RTL4: variants seen among roughly 807,000 people sequenced by gnomAD.
RTL4 encodes the protein retrotransposon Gag-like protein 4.
Under a neutral mutation model 5.3 loss-of-function variants are expected in RTL4, and 4 were observed. The ratio of observed to expected loss-of-function variants is 0.75; its 90% confidence interval spans 0.37 to 1.72. The LOEUF (loss-of-function observed/expected upper bound fraction) is 1.72, where lower values mean the gene tolerates loss of function less well. Among genes scored for constraint, RTL4 ranks in the 40% most tolerant of loss-of-function variants. The probability of loss-of-function intolerance (pLI) is 0.04; values close to 1 mark genes in which losing one functional copy is unlikely to be tolerated. For missense variants in RTL4, 260 were observed against 227.1 expected (o/e 1.14, Z -0.93); for synonymous variants, 98 against 87.3 (o/e 1.12, Z -0.68).
the RTL4 span, among the ~76,000 whole-genome samples, chrX:112,171,180 G>A: frequency 3.6e-5 from 4 of 111,654 alleles, no homozygotes; most frequent in Non-Finnish European, 7.5e-5. Flanking sequence ...TTGCATCAAT[G>A]TTCATCAGGG....
chrX:112,190,168 C>T, the RTL4 span, among the ~76,000 whole-genome samples: 1 of 90,475 alleles, frequency 1.1e-5, no homozygotes, highest in East Asian at 3.5e-4. Context: ...TTCTTTCTTT[C>T]TTTCTTTCTT....
the RTL4 span, among the ~76,000 whole-genome samples, chrX:112,125,913 A>G: frequency 1.8e-5 from 2 of 111,986 alleles, no homozygotes; most frequent in Non-Finnish European, 3.8e-5. Context: ...TCCTTAAGAG[A>G]TTTGTCAAAC....
chrX:112,169,083 CTT>C, the RTL4 span, among the ~76,000 whole-genome samples: 115 of 41,337 alleles, frequency 2.8e-3, 1 homozygote, highest in Non-Finnish European at 4.8e-3. Context: ...TTCTTTCTTT[CTT>C]TTCTTTCTTT....
At chrX:112,339,630 A>G in the RTL4 span, among the ~76,000 whole-genome samples, 4,924 of 112,495 alleles carry the variant, frequency 0.044, 263 homozygotes, top group African/African-American at 0.15. Flanking sequence ...CAACCACCAC[A>G]TCATGGGCGC....
the RTL4 span, among the ~76,000 whole-genome samples, chrX:112,260,118 C>T: frequency 9.0e-6 from 1 of 111,458 alleles, no homozygotes; most frequent in Non-Finnish European, 1.9e-5. Context: ...GGAGTTTTTG[C>T]AGTAAGGTAC....
the RTL4 span, among the ~76,000 whole-genome samples, chrX:112,175,490 G>A: frequency 1.8e-5 from 2 of 109,400 alleles, no homozygotes; most frequent in African/African-American, 6.7e-5. Flanking sequence ...TAGCCTTGTA[G>A]TATAGTTTGA....
the RTL4 span, among the ~76,000 whole-genome samples, chrX:112,278,905 T>C: frequency 1.8e-5 from 2 of 111,465 alleles, no homozygotes; most frequent in African/African-American, 3.2e-5. Context: ...AAAAGGATGA[T>C]TTAAAAAGAA....
At chrX:112,225,504 G>T in the RTL4 span, among the ~76,000 whole-genome samples, 16 of 111,840 alleles carry the variant, frequency 1.4e-4, no homozygotes, top group Non-Finnish European at 3.0e-4. Flanking sequence ...GGGCAATTTT[G>T]TTAATTTCTC....
At chrX:112,202,742 G>A in the RTL4 span, among the ~76,000 whole-genome samples, 1 of 109,248 alleles carries the variant, frequency 9.2e-6, no homozygotes, top group Non-Finnish European at 1.9e-5. Flanking sequence ...TATATTTTTA[G>A]TAGAAACAGG....
the RTL4 span, among the ~76,000 whole-genome samples, chrX:112,327,598 G>A: frequency 2.7e-5 from 3 of 109,602 alleles, no homozygotes; most frequent in African/African-American, 6.6e-5. Context: ...TATTATCCAG[G>A]AGAACTTCCC....
chrX:112,108,821 C>T, the RTL4 span, among the ~76,000 whole-genome samples: 2 of 111,227 alleles, frequency 1.8e-5, no homozygotes, highest in Admixed American at 1.9e-4. Flanking sequence ...AGATAAAGTC[C>T]ACTGTGCAGG....
chrX:112,289,711 C>A, the RTL4 span, among the ~76,000 whole-genome samples: 3 of 111,506 alleles, frequency 2.7e-5, no homozygotes, highest in South Asian at 3.8e-4. Context: ...TTACGGAACA[C>A]TCACCATGTG....
chrX:112,102,472 A>C, the RTL4 span, among the ~76,000 whole-genome samples: 1 of 112,025 alleles, frequency 8.9e-6, no homozygotes, highest in Non-Finnish European at 1.9e-5. Flanking sequence ...CAAAGCAAAC[A>C]ACAGAACAAA....
At chrX:112,113,790 A>T in the RTL4 span, among the ~76,000 whole-genome samples, 4 of 111,761 alleles carry the variant, frequency 3.6e-5, no homozygotes, top group African/African-American at 1.3e-4. Flanking sequence ...TGCCAACCAC[A>T]CTGATAACAA....
the RTL4 span, among the ~76,000 whole-genome samples, chrX:112,177,201 C>A: frequency 9.0e-6 from 1 of 110,876 alleles, no homozygotes; most frequent in Admixed American, 9.6e-5. Context: ...TGGGTATGTA[C>A]CCAGCAGTGG....
At chrX:112,433,245 G>C in the RTL4 span, among the ~76,000 whole-genome samples, 3 of 109,444 alleles carry the variant, frequency 2.7e-5, no homozygotes, top group African/African-American at 1.0e-4. Context: ...GAACTTTAAA[G>C]TATTTTTTTC....
chrX:112,156,120 G>C, the RTL4 span, among the ~76,000 whole-genome samples: 15 of 112,094 alleles, frequency 1.3e-4, no homozygotes, highest in Admixed American at 3.8e-4. Flanking sequence ...TGTTCTGAAA[G>C]AATTCCATAG....
At chrX:112,167,937 A>G in the RTL4 span, among the ~76,000 whole-genome samples, 2 of 110,382 alleles carry the variant, frequency 1.8e-5, no homozygotes, top group Non-Finnish European at 3.8e-5. Flanking sequence ...TTTTTCTTTT[A>G]TCTATCTTTG....
the RTL4 span, among the ~76,000 whole-genome samples, chrX:112,194,511 C>A: frequency 8.9e-6 from 1 of 112,116 alleles, no homozygotes; most frequent in Non-Finnish European, 1.9e-5. Context: ...TCTTGGACTT[C>A]CAGCCTCTAG....
Sources: allele counts gnomAD v4.1 joint callset (sites outside exome capture counted in the v4.1 genomes callset), GRCh38; gene constraint gnomAD v4.1.1; transcripts MANE v1.5; gene names NCBI Gene and HGNC (gene_info 2026-07-23, HGNC 2026-07-21).